Variants in KIF15 observed in about 807,000 individuals in gnomAD.
The protein encoded by KIF15 is kinesin family member 15.
A neutral mutation model predicts 190.6 loss-of-function variants in KIF15; 140 were observed. The ratio of observed to expected loss-of-function variants is 0.73; its 90% CI spans 0.64 to 0.84. The LOEUF (loss-of-function observed/expected upper bound fraction) is 0.84. KIF15 is among the 40% of genes least tolerant of loss of function. The probability of loss-of-function intolerance (pLI) is 0.00; values close to 1 mark genes in which losing one functional copy is unlikely to be tolerated. For synonymous variants in KIF15, 528 were observed against 551.3 expected (o/e 0.96, Z 0.59); for missense variants, 1,372 against 1,584.4 (o/e 0.87, Z 2.28).
Position 44,775,438 on chromosome 3 carries a change from G to T in KIF15, c.246+1G>T. ...TGTTGCAGATGTGGATACCACTCAG[G>T]TAATGATAATTAGAAACTTAACTTT... On this transcript the variant is annotated splice_donor_variant, in intron 3 of 34. Transcript: ENST00000326047. LOFTEE classifies it high-confidence loss of function. 1 of 1,581,392 alleles carries T rather than the reference G, an allele frequency of 6.3e-7. No homozygotes were observed. The highest frequency in any genetic ancestry group is 8.6e-7 in the Non-Finnish European group (1 of 1,166,094).
At chr3:44,761,985 G>GA in intron 1 of KIF15, 101 bp downstream of exon 1, 1 of 1,462,028 alleles carries the variant, frequency 6.8e-7, no homozygotes, top group South Asian at 1.1e-5. Flanking sequence ...TGCTAGGCAT[G>GA]AACTGCAGGA....
At chr3:44,806,317 T>A (rs1442961124) in intron 16 of KIF15, among the ~76,000 whole-genome samples, 3 of 152,234 alleles carry the variant, frequency 2.0e-5, no homozygotes, top group Non-Finnish European at 4.4e-5. Context: ...GAGTACTAAA[T>A]GAGATAGATA....
chr3:44,822,057 G>C (rs1344782310), intron 20 of KIF15, among the ~76,000 whole-genome samples: 2 of 152,216 alleles, frequency 1.3e-5, no homozygotes, highest in African/African-American at 4.8e-5. Context: ...AGGTTGCAGT[G>C]AGCTGAGATG....
chr3:44,815,733 G>A (rs1465880681), intron 20 of KIF15, among the ~76,000 whole-genome samples: 3 of 152,156 alleles, frequency 2.0e-5, no homozygotes, highest in Admixed American at 2.0e-4. Context: ...GTTATTTACT[G>A]TTTCTTTTTT....
chr3:44,841,009 G>A lies in KIF15; in HGVS notation c.3421-65G>A, dbSNP rs72875769. On this transcript the variant is annotated intron_variant, in intron 28 of 34. Coordinates refer to ENST00000326047, the MANE Select transcript of KIF15 (RefSeq NM_020242.3). ...TATTTTTTATGTACTTGACATTTAC[G>A]TTTAAAAGAAATCTTTATAATATCA... is the stretch of plus-strand genomic sequence containing the variant. The A allele has an allele frequency of 2.5e-3, 3,550 of 1,415,462 alleles. 58 individuals carry two copies. In the African/African-American group the frequency reaches 0.039, roughly 16 times the overall value. The allele number at this position is 1,415,462 out of a possible 1,614,324, so 87.7% of individuals were successfully genotyped here.
rs527316675 is a variant in KIF15, at chr3:44,825,501, G to A, written c.2550-538G>A. Among the ~76,000 whole-genome samples, 9 of 152,286 alleles carry A rather than the reference G, an allele frequency of 5.9e-5. No homozygotes were observed. In the South Asian group the frequency reaches 6.2e-4, roughly 11 times the overall value. On this transcript the variant is annotated intron_variant, in intron 20 of 34. Coordinates refer to ENST00000326047, the MANE Select transcript of KIF15 (RefSeq NM_020242.3). The stretch of plus-strand genomic sequence containing the variant: ...GCTCTGGATTCTTGGAGGTGCTACA[G>A]CTTACTCAGGAGGGAAATAAGAGGA...
chr3:44,855,045 G>C (rs991414958), downstream of KIF15, among the ~76,000 whole-genome samples: 2 of 152,248 alleles, frequency 1.3e-5, no homozygotes, highest in Non-Finnish European at 2.9e-5. Flanking sequence ...TCTGTGTGAA[G>C]AGACCACCAA....
chr3:44,837,395 T>C (rs756679078), intron 26 of KIF15, among the ~76,000 whole-genome samples: 1 of 152,146 alleles, frequency 6.6e-6, no homozygotes, highest in Non-Finnish European at 1.5e-5. Context: ...GTGCATAGAA[T>C]AGTGAAAAAT....
chr3:44,840,682 T>G (rs1248877300), intron 28 of KIF15, among the ~76,000 whole-genome samples: 4 of 141,318 alleles, frequency 2.8e-5, no homozygotes, highest in Non-Finnish European at 6.2e-5. Context: ...TTTTTTTTTT[T>G]TTGGCAGATG....
At chr3:44,829,662 G>T (rs1330898582) in intron 24 of KIF15, among the ~76,000 whole-genome samples, 1 of 107,062 alleles carries the variant, frequency 9.3e-6, no homozygotes, top group Admixed American at 1.2e-4. Flanking sequence ...TATATATTAT[G>T]TATATATAAT....
At chr3:44,852,634 C>T (rs761296096) in intron 34 of KIF15, 39 bp from the exon 35 acceptor site, 21 of 1,438,550 alleles carry the variant, frequency 1.5e-5, no homozygotes, top group Non-Finnish European at 6.7e-6. Flanking sequence ...AGAATTAGAG[C>T]CTTATTTTTT....
At chr3:44,827,938 C>T (rs141539437) in intron 23 of KIF15, among the ~76,000 whole-genome samples, 2,835 of 152,206 alleles carry the variant, frequency 0.019, 76 homozygotes, top group African/African-American at 0.063. Flanking sequence ...CTTGGCCTCC[C>T]AAAGTGCTGA....
Position 44,830,380 on chromosome 3 carries a change from G to C in KIF15, c.3048+305G>C, listed in dbSNP as rs566660548. On this transcript the variant is annotated intron_variant, in intron 25 of 34. Transcript: ENST00000326047. ...TATAAACTGAATAAGAAACAGGCTG[G>C]TTGCTGGCCGTAACAGTTAAGGCAA... Among the ~76,000 whole-genome samples, 91 of 152,304 alleles carry C rather than the reference G, an allele frequency of 6.0e-4. 3 individuals carry two copies. The highest frequency in any genetic ancestry group is 1.7e-3 in the Admixed American group (26 of 15,298).
intron 5 of KIF15, among the ~76,000 whole-genome samples, chr3:44,782,141 C>G (rs1307844105): frequency 6.6e-6 from 1 of 152,168 alleles, no homozygotes; most frequent in Non-Finnish European, 1.5e-5. Context: ...CCTTTGCCTC[C>G]TGGGTTCAAG....
intron 32 of KIF15, among the ~76,000 whole-genome samples, chr3:44,850,371 C>T (rs1699019293): frequency 6.6e-6 from 1 of 152,128 alleles, no homozygotes; most frequent in African/African-American, 2.4e-5. Flanking sequence ...TTTGAGAATC[C>T]AGCTAGTTGG....
Position 44,778,189 on chromosome 3 carries a change from A to G in KIF15, c.321A>G (p.Ala107=). 3.7e-6 allele frequency: 6 copies of G among 1,611,756 alleles called. No homozygotes were observed. Among genetic ancestry groups the G allele is most frequent in the Non-Finnish European group, 5.1e-6 (6 of 1,177,820 alleles). ...CMSGYNGTIF[A]YGQTGSGKTF... The stretch of plus-strand genomic sequence containing the variant: ...GCGGTTATAATGGTACCATCTTTGC[A>G]TAGTAAGTTGTTGACTGTGTCCTTA... Residue 107 remains alanine, a splice_region_variant and synonymous_variant, in exon 4 of 35, where the codon GCA becomes GCG. Coordinates refer to ENST00000326047, the MANE Select transcript of KIF15 (RefSeq NM_020242.3).
intron 21 of KIF15, 93 bp downstream of exon 21, chr3:44,826,282 G>T (rs1272165305): frequency 3.9e-6 from 6 of 1,546,482 alleles, no homozygotes; most frequent in Non-Finnish European, 5.3e-6. Flanking sequence ...TGCTATACTT[G>T]CCCACAGTGC....
chr3:44,796,760 A>G (rs765818216), intron 8 of KIF15, among the ~76,000 whole-genome samples: 44 of 152,168 alleles, frequency 2.9e-4, no homozygotes, highest in Admixed American at 5.9e-4. Context: ...TTCTGTTTTA[A>G]AGTAGTTTTT....
At chr3:44,833,844 C>T (rs1698185046) in intron 26 of KIF15, among the ~76,000 whole-genome samples, 1 of 152,098 alleles carries the variant, frequency 6.6e-6, no homozygotes, top group African/African-American at 2.4e-5. Flanking sequence ...TTTTAGCAAG[C>T]CAATTGAAAA....
Sources: gnomAD v4.1 joint callset for allele counts (sites outside exome capture counted in the v4.1 genomes callset) on GRCh38, gnomAD v4.1.1 for gene constraint, MANE v1.5 for transcripts, NCBI Gene and HGNC (gene_info 2026-07-23, HGNC 2026-07-21) for gene names.